The following SGSM2 variants were observed in gnomAD, a reference collection of about 807,000 sequenced individuals.
The protein encoded by SGSM2 is small G protein signaling modulator 2.
A neutral mutation model predicts 126.6 loss-of-function variants in SGSM2; 89 were observed. The observed-to-expected ratio is 0.70, with a 90% CI of 0.59 to 0.84. The LOEUF (loss-of-function observed/expected upper bound fraction) is 0.84, where lower values mean the gene tolerates loss of function less well. Among genes scored for constraint, SGSM2 ranks in the 40% least tolerant of loss-of-function variants. The pLI is 0.00. For missense variants in SGSM2, 1,404 were observed against 1,416.6 expected (o/e 0.99, Z 0.14); for synonymous variants, 614 against 574.3 (o/e 1.07, Z -0.99).
At position 2,379,549 on chromosome 17, in the gene SGSM2, G is replaced by A; in HGVS notation, c.*29G>A. 6.2e-7 allele frequency: 1 copy of A among 1,600,680 alleles called. No individual in the cohort carries two copies. The highest frequency in any genetic ancestry group is 8.5e-7 in the Non-Finnish European group (1 of 1,170,528). ...GGGGCCAGGAGGCAGCAGCCGTGCA[G>A]AGCCTGGGCTCCGGCAGGGAGAGGT... is the stretch of plus-strand genomic sequence containing the variant. On this transcript the variant is annotated 3_prime_UTR_variant, in exon 24 of 24. Transcript: ENST00000268989.
Position 2,375,582 on chromosome 17 carries a change from ACTCCGGG to A in SGSM2, c.2193_2199del (p.Gly733ProfsTer34). ...ACCTGAGCAGGAAGCAGGACCCGGG[ACTCCGGG>A]CACCGCCGTGGTGGAGCAGCAGCAT... On this transcript the variant is annotated frameshift_variant, in exon 18 of 24. Transcript: ENST00000268989. LOFTEE classifies it high-confidence loss of function. The A allele has an allele frequency of 6.2e-7, 1 of 1,613,372 alleles. No homozygotes were observed. The highest frequency in any genetic ancestry group is 8.5e-7 in the Non-Finnish European group (1 of 1,179,934).
chr17:2,365,229 C>A lies in SGSM2; in HGVS notation c.1176C>A (p.Pro392=). 6.2e-7 allele frequency: 1 copy of A among 1,612,104 alleles called. No homozygotes were observed. Among genetic ancestry groups the A allele is most frequent in the Non-Finnish European group, 8.5e-7 (1 of 1,178,834 alleles). ...WTQQGKGKVF[P]KLRKRSSIRS... is the part of the protein sequence containing the mutation. The stretch of plus-strand genomic sequence containing the variant: ...TCCTTCCACAGGGGAAAGTGTTCCC[C>A]AAGCTACGGAAACGAAGCAGCATTC... Residue 392 remains proline, a synonymous_variant, in exon 11 of 24, where the codon CCC becomes CCA. Coordinates refer to ENST00000268989, the MANE Select transcript of SGSM2 (RefSeq NM_014853.3).
Position 2,375,585 on chromosome 17 carries a change from C to T in SGSM2, c.2194C>T (p.Pro732Ser). ...TGAGCAGGAAGCAGGACCCGGGACTCCGGGCACCGCCGTGGTGGAGCAGCA... is the reference window on the plus strand; with the variant it reads ...TGAGCAGGAAGCAGGACCCGGGACTTCGGGCACCGCCGTGGTGGAGCAGCA... ...KPEQEAGPGT[P>S]GTAVVEQQHS... Residue 732 changes from proline to serine, a missense_variant, in exon 18 of 24, where the codon CCG (proline) becomes TCG (serine). Physicochemically the swap from Pro to Ser is moderately conservative, Grantham distance 74. Transcript: ENST00000268989. 6.2e-7 allele frequency: 1 copy of T among 1,613,900 alleles called. No individual in the cohort carries two copies. The highest frequency in any genetic ancestry group is 1.1e-5 in the South Asian group (1 of 91,052).
chr17:2,365,127 C>G, intron 10 of SGSM2, 70 bp downstream of exon 10: 4 of 1,596,728 alleles, frequency 2.5e-6, no homozygotes, highest in Non-Finnish European at 2.6e-6. Context: ...CTTCCTTCCC[C>G]ACGTGGAGTT....
chr17:2,359,544 G>A (rs986124690), intron 2 of SGSM2, among the ~76,000 whole-genome samples: 6 of 152,128 alleles, frequency 3.9e-5, no homozygotes, highest in African/African-American at 1.2e-4. Flanking sequence ...GGGACTGAGC[G>A]TGATGCCTGG....
In SGSM2 at chr17:2,337,744, A is replaced by G; in HGVS notation, c.56A>G (p.Glu19Gly). The change falls in exon 1 of 24, where the codon GAG becomes GGG. Residue 19 changes from glutamate (E) to glycine (G), a missense_variant and splice_region_variant. Glu to Gly is a moderately conservative substitution (Grantham distance 98). Transcript: ENST00000268989. The surrounding 1 kb of genome is among the most constrained non-coding windows in gnomAD (Gnocchi z 5.1). ...KEKLLWNVKKEVKQIMEEAVT... is the reference protein window; with the variant it reads ...KEKLLWNVKKGVKQIMEEAVT... ...AAACTGCTGTGGAACGTGAAGAAGGAGGTAAAGTCGAGTCAAGAACCCCGG... is the reference window on the plus strand; with the variant it reads ...AAACTGCTGTGGAACGTGAAGAAGGGGGTAAAGTCGAGTCAAGAACCCCGG... The G allele has an allele frequency of 6.5e-7, 1 of 1,535,804 alleles. No individual in the cohort carries two copies. The highest frequency in any genetic ancestry group is 1.2e-5 in the South Asian group (1 of 83,778).
chr17:2,346,203 C>T (rs996967332), intron 2 of SGSM2, among the ~76,000 whole-genome samples: 1 of 152,118 alleles, frequency 6.6e-6, no homozygotes, highest in Non-Finnish European at 1.5e-5. Flanking sequence ...GCTGAGAGGT[C>T]AAGAGCAGAG....
Position 2,379,449 on chromosome 17 carries a change from G to T in SGSM2, c.3085G>T (p.Asp1029Tyr). The stretch of plus-strand genomic sequence containing the variant: ...CCCCCCAGAACGTGCTGAGCATCAC[G>T]ATGCCCAGGAGATCCTGCGGATTGC... Reference protein sequence around the residue: ...KFFNERAEHHDAQEILRIARD... With the variant: ...KFFNERAEHHYAQEILRIARD... Residue 1029 changes from aspartate (D) to tyrosine (Y), a missense_variant, in exon 24 of 24, where the codon GAT (aspartate) becomes TAT (tyrosine). Physicochemically the swap from Asp to Tyr is radical, Grantham distance 160. Transcript: ENST00000268989. 6.2e-7 allele frequency: 1 copy of T among 1,613,202 alleles called. No individual in the cohort carries two copies. Among genetic ancestry groups the T allele is most frequent in the Non-Finnish European group, 8.5e-7 (1 of 1,179,396 alleles).
chr17:2,372,049 C>T lies in SGSM2; in HGVS notation c.1578-141C>T, dbSNP rs774106737. 44 of 984,524 alleles carry T rather than the reference C, an allele frequency of 4.5e-5. No homozygotes were observed. The highest frequency in any genetic ancestry group is 8.8e-5 in the South Asian group (6 of 68,444). The allele number at this position is 984,524 out of a possible 1,614,324, so 61.0% of individuals were successfully genotyped here. A position where few individuals can be genotyped will look rare whatever the true frequency, so the allele number is the denominator to read the frequency against. On this transcript the variant is annotated intron_variant, in intron 13 of 23. Coordinates refer to ENST00000268989, the MANE Select transcript of SGSM2 (RefSeq NM_014853.3). The surrounding 1 kb of genome is among the most constrained non-coding windows in gnomAD (Gnocchi z 6.0). ...CAGGCAGGGACAGGGCACCCACTGA[C>T]GGCTGCTGGGCTGCGGCTCCTCCTC...
intron 1 of SGSM2, among the ~76,000 whole-genome samples, chr17:2,339,577 G>A (rs1287709637): frequency 6.6e-6 from 1 of 151,810 alleles, no homozygotes; most frequent in Non-Finnish European, 1.5e-5. Flanking sequence ...AGCTGGGCGT[G>A]GTGGCGGGCG....
chr17:2,375,295 G>T lies in SGSM2; in HGVS notation c.2101-197G>T, dbSNP rs562537793. The stretch of plus-strand genomic sequence containing the variant: ...GGCTGAAGACGTGTCTTCATGTTTG[G>T]CCAGAGGCTTGTTTCTCTCCGCCTG... On this transcript the variant is annotated intron_variant, in intron 17 of 23. Coordinates refer to ENST00000268989, the MANE Select transcript of SGSM2 (RefSeq NM_014853.3). 12 of 603,734 alleles carry T rather than the reference G, an allele frequency of 2.0e-5. No homozygotes were observed. In the East Asian group the frequency reaches 3.3e-4, roughly 17 times the overall value. The allele number at this position is 603,734 out of a possible 1,614,324, so 37.4% of individuals were successfully genotyped here.
chr17:2,376,383 C>T lies in SGSM2; in HGVS notation c.2609+122C>T. On this transcript the variant is annotated intron_variant, in intron 19 of 23. Transcript: ENST00000268989. ...GCTCCTGAATCACACTTGGCTCCCC[C>T]TGCCTGGAACGCTTTTTTCCTGCAC... 3.8e-6 allele frequency: 5 copies of T among 1,315,558 alleles called. No individual in the cohort carries two copies. In the South Asian group the frequency reaches 4.2e-5, roughly 11 times the overall value. The allele number at this position is 1,315,558 out of a possible 1,614,324, so 81.5% of individuals were successfully genotyped here.
intron 2 of SGSM2, among the ~76,000 whole-genome samples, chr17:2,354,770 C>G (rs1342991677): frequency 6.6e-6 from 1 of 152,260 alleles, no homozygotes; most frequent in Non-Finnish European, 1.5e-5. Context: ...TCCCTTCCAT[C>G]TGTGTCTTCC....
Position 2,367,353 on chromosome 17 carries a change from G to A in SGSM2, c.1371G>A (p.Ala457=), listed in dbSNP as rs773534477. Residue 457 remains alanine, a synonymous_variant, in exon 12 of 24, where the codon GCG becomes GCA. Coordinates refer to ENST00000268989, the MANE Select transcript of SGSM2 (RefSeq NM_014853.3). The surrounding 1 kb of genome is among the most constrained non-coding windows in gnomAD (Gnocchi z 4.0). ...DDEEEEDKLH[A]MLSMICSRNL... ...AGGAAGAGGAGGATAAACTGCACGC[G>A]ATGCTCTCAATGATCTGCTCGCGGA... 2.0e-5 allele frequency: 33 copies of A among 1,614,086 alleles called. No individual in the cohort carries two copies. The highest frequency in any genetic ancestry group is 1.3e-4 in the Admixed American group (8 of 60,004).
In SGSM2 at chr17:2,367,156, G is replaced by C; in HGVS notation, c.1289-115G>C. 3.3e-6 allele frequency: 4 copies of C among 1,214,648 alleles called. No homozygotes were observed. The highest frequency in any genetic ancestry group is 4.5e-6 in the Non-Finnish European group (4 of 885,600). 75.2% of individuals were successfully genotyped at this position (1,214,648 alleles called of 1,614,324 possible). A position where few individuals can be genotyped will look rare whatever the true frequency, so the allele number is the denominator to read the frequency against. ...GGTCCCCTCCCTTCCCCTCTTCTGTGCCCTGCAGATTCACGATGACCCCGG... is the reference window on the plus strand; with the variant it reads ...GGTCCCCTCCCTTCCCCTCTTCTGTCCCCTGCAGATTCACGATGACCCCGG... On this transcript the variant is annotated intron_variant, in intron 11 of 23. Transcript: ENST00000268989. This position sits in a 1 kb window ranked among gnomAD's most constrained non-coding sequence, Gnocchi z 4.0.
chr17:2,344,780 C>T (rs1432884553), intron 2 of SGSM2, among the ~76,000 whole-genome samples: 1 of 152,202 alleles, frequency 6.6e-6, no homozygotes, highest in African/African-American at 2.4e-5. Flanking sequence ...GGTTTGAATC[C>T]TGGCGTCCTG....
intron 22 of SGSM2, 72 bp downstream of exon 22, chr17:2,378,025 TTC>T (rs1327462326): frequency 1.0e-6 from 1 of 983,268 alleles, no homozygotes; most frequent in Non-Finnish European, 1.6e-6. Flanking sequence ...AAGCCAACAG[TTC>T]TCAATCCTAA....
chr17:2,370,360 G>A (rs900110514), intron 12 of SGSM2, among the ~76,000 whole-genome samples: 2 of 152,250 alleles, frequency 1.3e-5, no homozygotes, highest in African/African-American at 4.8e-5. Flanking sequence ...GGAAGCTCTC[G>A]AGGGTCTTGA....
rs751960801 is a variant in SGSM2 at position 2,376,726 on chromosome 17, C to T, written c.2610-7C>T. On this transcript the variant is annotated splice_polypyrimidine_tract_variant and splice_region_variant and intron_variant, in intron 19 of 23. Coordinates refer to ENST00000268989, the MANE Select transcript of SGSM2 (RefSeq NM_014853.3). ...ACAGCCACAGTGACTCTCCCCCTGC[C>T]TTTCAGCTACGTGTGGGAGCACCTG... 5 of 1,613,832 alleles carry T rather than the reference C, an allele frequency of 3.1e-6. No homozygotes were observed. The Admixed American group carries it at 8.3e-5, about 27-fold the overall frequency.
Sources: gnomAD v4.1 joint callset for allele counts (sites outside exome capture counted in the v4.1 genomes callset) on GRCh38, gnomAD v4.1.1 for gene constraint, Gnocchi (gnomAD v3.1) non-coding constraint, MANE v1.5 for transcripts, NCBI Gene and HGNC (gene_info 2026-07-23, HGNC 2026-07-21) for gene names.